Variants in SYNM observed in about 807,000 individuals in gnomAD.
SYNM encodes synemin.
In SYNM, 95 loss-of-function variants were observed where a neutral mutation model predicts 104.0. The observed-to-expected ratio is 0.91, with a 90% CI of 0.77 to 1.08. SYNM has a LOEUF of 1.08. Among genes scored for constraint, SYNM ranks in the 50% least tolerant of loss-of-function variants. The probability of loss-of-function intolerance (pLI) is 0.00; values close to 1 mark genes in which losing one functional copy is unlikely to be tolerated. For synonymous variants in SYNM, 918 were observed against 869.0 expected (o/e 1.06, Z -0.99); for missense variants, 2,150 against 2,052.2 (o/e 1.05, Z -0.92).
At chr15:99,118,343 G>A (rs1047631634) in intron 2 of SYNM, among the ~76,000 whole-genome samples, 4 of 152,198 alleles carry the variant, frequency 2.6e-5, no homozygotes, top group Non-Finnish European at 4.4e-5. Context: ...GTGGACTTGC[G>A]CTCTTCTGAC....
chr15:99,108,269 C>T (rs570664521), intron 1 of SYNM, among the ~76,000 whole-genome samples: 11 of 151,528 alleles, frequency 7.3e-5, no homozygotes, highest in South Asian at 2.1e-4. Context: ...GCCATGTGCC[C>T]GGCCATTTTT....
Position 99,105,834 on chromosome 15 carries a change from C to A in SYNM, c.635C>A (p.Ala212Glu). The A allele has an allele frequency of 1.3e-6, 2 of 1,542,170 alleles. No individual in the cohort carries two copies. The highest frequency in any genetic ancestry group is 1.7e-6 in the Non-Finnish European group (2 of 1,145,874). The change falls in exon 1 of 4, where the codon GCG (alanine) becomes GAG (glutamate). Residue 212 changes from alanine to glutamate, a missense_variant. Transcript: ENST00000336292. ...YEDEVRELEEALRRGQESRLQ... is the reference protein window; with the variant it reads ...YEDEVRELEEELRRGQESRLQ... ...GACGAGGTGCGCGAGCTGGAGGAGG[C>A]GCTGCGGCGCGGCCAGGAGAGCAGA...
At chr15:99,106,058 C>T (rs1180888482) in intron 1 of SYNM, 49 bp downstream of exon 1, 1 of 1,376,682 alleles carries the variant, frequency 7.3e-7, no homozygotes, top group African/African-American at 1.5e-5. Context: ...TGCCGTCGCC[C>T]CAGCACCCTG....
Position 99,129,892 on chromosome 15 carries a change from A to G in SYNM, c.1532A>G (p.Asn511Ser). Residue 511 changes from asparagine to serine, a missense_variant, in exon 4 of 4, where the codon AAC (asparagine) becomes AGC (serine). Physicochemically the swap from Asn to Ser is conservative, Grantham distance 46. Coordinates refer to ENST00000336292, the MANE Select transcript of SYNM (RefSeq NM_145728.3). ...EVKATREQER[N>S]RPETIRTKPE... is the part of the protein sequence containing the mutation. ...AAAGCCACGAGGGAGCAAGAAAGAA[A>G]CAGACCAGAAACCATCCGAACAAAG... 1.9e-6 allele frequency: 3 copies of G among 1,613,184 alleles called. No individual in the cohort carries two copies. The highest frequency in any genetic ancestry group is 2.5e-6 in the Non-Finnish European group (3 of 1,179,512).
At chr15:99,117,819 C>T (rs915615223) in intron 2 of SYNM, among the ~76,000 whole-genome samples, 7 of 151,682 alleles carry the variant, frequency 4.6e-5, no homozygotes, top group Admixed American at 6.6e-5. Flanking sequence ...TTCAGGGCAT[C>T]GATCGCGAGC....
At position 99,129,555 on chromosome 15, in the gene SYNM, T is replaced by C. The variant is rs782671153; in HGVS notation, c.1195T>C (p.Leu399=). 6 of 1,613,856 alleles carry C rather than the reference T, an allele frequency of 3.7e-6. No homozygotes were observed. The highest frequency in any genetic ancestry group is 1.3e-5 in the African/African-American group (1 of 74,910). ...TGGAGGTGATGCCAGAAGAGGCTTC[T>C]TGGGCTCGGGATATTCTTCCTCGGC... The part of the protein sequence containing the change: ...SIGGDARRGF[L]GSGYSSSATT... Residue 399 remains leucine, a synonymous_variant, in exon 4 of 4, where the codon TTG becomes CTG. Transcript: ENST00000336292.
rs1284267797 is a variant in SYNM, at chr15:99,133,937, T to C, written c.*879T>C. The C allele has an allele frequency of 6.6e-6, 1 of 152,022 alleles. No individual in the cohort carries two copies. The highest frequency in any genetic ancestry group is 1.5e-5 in the Non-Finnish European group (1 of 68,046). The allele number at this position is 152,022 out of a possible 1,614,324, so 9.4% of individuals were successfully genotyped here. A position where few individuals can be genotyped will look rare whatever the true frequency, so the allele number is the denominator to read the frequency against. On this transcript the variant is annotated 3_prime_UTR_variant, in exon 4 of 4. Transcript: ENST00000336292. ...AACATTTAATTTCACTGGTGGGAGG[T>C]AGACCTTGAAGACAATGAAGAGAAT...
rs782182533 is a variant in SYNM at position 99,132,408 on chromosome 15, G to C, written c.4048G>C (p.Asp1350His). Residue 1350 changes from aspartate (D) to histidine (H), a missense_variant, in exon 4 of 4, where the codon GAT becomes CAT. Transcript: ENST00000336292. Reference sequence around the variant, plus strand: ...CACTGTGCACGGAGAGGGCTCAGCAGATGTGCACCAGGCCACTCACAGTCA... The same window carrying C: ...CACTGTGCACGGAGAGGGCTCAGCACATGTGCACCAGGCCACTCACAGTCA... ...ESTVHGEGSA[D>H]VHQATHSHTS... The C allele has an allele frequency of 2.5e-6, 4 of 1,614,022 alleles. No homozygotes were observed. In the South Asian group the frequency reaches 4.4e-5, roughly 18 times the overall value.
intron 2 of SYNM, among the ~76,000 whole-genome samples, chr15:99,125,133 C>T (rs548600095): frequency 1.1e-4 from 16 of 152,314 alleles, no homozygotes; most frequent in African/African-American, 3.8e-4. Flanking sequence ...CCGTGGTACC[C>T]GAGGTTCACA....
At chr15:99,139,042 C>G, downstream of SYNM, 1 of 482,724 alleles carries the variant, frequency 2.1e-6, no homozygotes, top group Non-Finnish European at 3.8e-6. Context: ...GGGCCCTCCC[C>G]CTGCAGCAGG....
At position 99,129,189 on chromosome 15, in the gene SYNM, TG is replaced by T. The variant is rs781915200; in HGVS notation, c.1007-177del. ...GCTACATTTTATTGTAACAGGATTTTGTAAACTGCCAAAAAATAATTTGGGC... is the reference window on the plus strand; with the variant it reads ...GCTACATTTTATTGTAACAGGATTTTTAAACTGCCAAAAAATAATTTGGGC... On this transcript the variant is annotated intron_variant, in intron 3 of 3. Coordinates refer to ENST00000336292, the MANE Select transcript of SYNM (RefSeq NM_145728.3). 3.2e-5 allele frequency: 28 copies of T among 884,182 alleles called. 1 individual carries two copies. Among genetic ancestry groups the T allele is most frequent in the Middle Eastern group, 3.6e-4 (1 of 2,782 alleles). The allele number at this position is 884,182 out of a possible 1,614,324, so 54.8% of individuals were successfully genotyped here. A position where few individuals can be genotyped will look rare whatever the true frequency, so the allele number is the denominator to read the frequency against.
intron 1 of SYNM, among the ~76,000 whole-genome samples, chr15:99,109,933 G>A (rs538420355): frequency 6.6e-6 from 1 of 152,198 alleles, no homozygotes; most frequent in African/African-American, 2.4e-5. Flanking sequence ...GTTCTGAGCC[G>A]AGGAGAGTTG....
intron 2 of SYNM, among the ~76,000 whole-genome samples, chr15:99,121,421 G>C (rs1244781305): frequency 6.6e-6 from 1 of 152,162 alleles, no homozygotes; most frequent in Non-Finnish European, 1.5e-5. Flanking sequence ...CCTGATGGAG[G>C]TGGCTGTGGT....
Position 99,134,839 on chromosome 15 carries a change from T to G in SYNM, c.*1781T>G, listed in dbSNP as rs1217102587. The G allele has an allele frequency of 1.3e-5, 2 of 152,264 alleles. No homozygotes were observed. Among genetic ancestry groups the G allele is most frequent in the Non-Finnish European group, 2.9e-5 (2 of 68,048 alleles). 9.4% of individuals were successfully genotyped at this position (152,264 alleles called of 1,614,324 possible). A position where few individuals can be genotyped will look rare whatever the true frequency, so the allele number is the denominator to read the frequency against. Reference sequence around the variant, plus strand: ...GATTGGAATAGCAAGTTTAAACCTTTGTTGTCCATCTGCCAAATGAACTAG... The same window carrying G: ...GATTGGAATAGCAAGTTTAAACCTTGGTTGTCCATCTGCCAAATGAACTAG... On this transcript the variant is annotated 3_prime_UTR_variant, in exon 4 of 4. Transcript: ENST00000336292.
At position 99,105,730 on chromosome 15, in the gene SYNM, G is replaced by A; in HGVS notation, c.531G>A (p.Pro177=). The A allele has an allele frequency of 6.7e-7, 1 of 1,503,602 alleles. No individual in the cohort carries two copies. The highest frequency in any genetic ancestry group is 2.8e-5 in the East Asian group (1 of 36,084). 93.1% of individuals were successfully genotyped at this position (1,503,602 alleles called of 1,614,324 possible). ...GCGCCACCGGCCCCGCCGCGCCGCC[G>A]CCACGCCTGCGGGAGGTGCACGACA... ...RARATGPAAP[P]PRLREVHDSY... is the part of the protein sequence containing the mutation. The change falls in exon 1 of 4, where the codon CCG becomes CCA. Residue 177 remains proline, a synonymous_variant. Transcript: ENST00000336292.
At chr15:99,137,205 TCA>T (rs2067658262), downstream of SYNM, 1 of 152,310 alleles carries the variant, frequency 6.6e-6, no homozygotes, top group African/African-American at 2.4e-5. Flanking sequence ...TTTGCCATCC[TCA>T]CACGACTATG....
At chr15:99,141,579 T>G in the SYNM span, among the ~76,000 whole-genome samples, 9 of 152,174 alleles carry the variant, frequency 5.9e-5, no homozygotes, top group African/African-American at 2.2e-4. Flanking sequence ...AAAAATCGGA[T>G]GAATTGTGCT....
At chr15:99,119,549 C>T (rs1327719034) in intron 2 of SYNM, among the ~76,000 whole-genome samples, 4 of 152,306 alleles carry the variant, frequency 2.6e-5, no homozygotes, top group South Asian at 4.1e-4. Flanking sequence ...AGGACCCACG[C>T]GCCAGTCTGG....
chr15:99,108,992 T>A (rs1555483159), intron 1 of SYNM, among the ~76,000 whole-genome samples: 1 of 152,204 alleles, frequency 6.6e-6, no homozygotes, highest in African/African-American at 2.4e-5. Flanking sequence ...TTTTCTGTGT[T>A]CCATGTGCTT....
Sources: gnomAD v4.1 joint callset for allele counts (sites outside exome capture counted in the v4.1 genomes callset) on GRCh38, gnomAD v4.1.1 for gene constraint, MANE v1.5 for transcripts, NCBI Gene and HGNC (gene_info 2026-07-23, HGNC 2026-07-21) for gene names.